A2M: variants seen among roughly 807,000 people sequenced by gnomAD.
The protein encoded by A2M is alpha-2-macroglobulin.
Under a neutral mutation model 183.9 loss-of-function variants are expected in A2M, and 128 were observed. That is an observed-to-expected ratio of 0.70 (90% confidence interval 0.60 to 0.81). The LOEUF (loss-of-function observed/expected upper bound fraction) is 0.81, where lower values mean the gene tolerates loss of function less well. A2M is among the 30% of genes least tolerant of loss of function. The probability of loss-of-function intolerance (pLI) is 0.00; values close to 1 mark genes in which losing one functional copy is unlikely to be tolerated. For missense variants in A2M, 1,495 were observed against 1,787.6 expected, an observed-to-expected ratio of 0.84 and a Z score of 2.95; for synonymous variants, 592 against 670.8, an observed-to-expected ratio of 0.88 and a Z score of 1.81.
intron 28 of A2M, among the ~76,000 whole-genome samples, chr12:9,075,608 C>CA (rs1404081117): frequency 1.3e-5 from 2 of 152,074 alleles, no homozygotes; most frequent in Non-Finnish European, 2.9e-5. Context: ...AGCAGACAAA[C>CA]AAAAAACTAA....
intron 29 of A2M, among the ~76,000 whole-genome samples, chr12:9,074,002 C>T (rs1206861567): frequency 2.7e-5 from 4 of 150,322 alleles, no homozygotes; most frequent in African/African-American, 4.9e-5. Context: ...GCACTAGAAT[C>T]GCTTGAACCT....
Position 9,110,847 on chromosome 12 carries a change from TA to T in A2M, c.484-514del, listed in dbSNP as rs1318595573. 5.3e-5 allele frequency among the ~76,000 whole-genome samples: 8 copies of T among 152,274 alleles called. 1 individual carries two copies. In the South Asian group the frequency reaches 1.7e-3, roughly 32 times the overall value. ...ATTTTAAGCAATTAATAAATAATGTTAAGAACTTACTAGGCCTTCAGCAACA... is the reference window on the plus strand; with the variant it reads ...ATTTTAAGCAATTAATAAATAATGTTAGAACTTACTAGGCCTTCAGCAACA... On this transcript the variant is annotated intron_variant, in intron 4 of 35. Transcript: ENST00000318602.
chr12:9,091,154 T>A (rs1487852779), intron 19 of A2M, 47 bp downstream of exon 19: 2 of 1,585,040 alleles, frequency 1.3e-6, no homozygotes, highest in African/African-American at 1.3e-5. Context: ...CAACTTTTAA[T>A]TTACTTGATG....
chr12:9,112,127 C>T, intron 4 of A2M, 32 bp downstream of exon 4: 1 of 1,609,952 alleles, frequency 6.2e-7, no homozygotes, highest in Non-Finnish European at 8.5e-7. Context: ...TTTATACAGA[C>T]AATCATTTTA....
chr12:9,096,225 T>G (rs1949377367), intron 15 of A2M, among the ~76,000 whole-genome samples: 1 of 152,152 alleles, frequency 6.6e-6, no homozygotes, highest in African/African-American at 2.4e-5. Flanking sequence ...AACCAAACAC[T>G]CCATCTAAGT....
At chr12:9,108,810 G>A (rs921528963) in intron 7 of A2M, among the ~76,000 whole-genome samples, 2 of 152,320 alleles carry the variant, frequency 1.3e-5, no homozygotes, top group Non-Finnish European at 2.9e-5. Context: ...ATGTAGACCC[G>A]CCTTAGGTGG....
intron 20 of A2M, 23 bp from the exon 21 acceptor site, chr12:9,090,046 A>G: frequency 6.3e-7 from 1 of 1,579,148 alleles, no homozygotes; most frequent in Non-Finnish European, 8.7e-7. Context: ...GCCAGTAGAA[A>G]TGAATAGCAT....
intron 7 of A2M, among the ~76,000 whole-genome samples, chr12:9,108,270 C>T (rs1436210168): frequency 3.3e-5 from 5 of 152,100 alleles, no homozygotes; most frequent in African/African-American, 9.7e-5. Context: ...GGACTACAGG[C>T]GCTGGCCACC....
At chr12:9,072,324 T>C (rs754584295) in intron 31 of A2M, 35 bp downstream of exon 31, 2 of 1,607,588 alleles carry the variant, frequency 1.2e-6, no homozygotes, top group Non-Finnish European at 1.7e-6. Context: ...TGGTGGTTAT[T>C]CTTAGGATTA....
intron 29 of A2M, 27 bp from the exon 30 acceptor site, chr12:9,072,898 C>A (rs1301481174): frequency 5.7e-6 from 9 of 1,591,138 alleles, no homozygotes; most frequent in Middle Eastern, 1.8e-4. Flanking sequence ...AGTGAGAGAA[C>A]CCATTGGGCA....
At chr12:9,078,016 T>C (rs941899931) in intron 25 of A2M, among the ~76,000 whole-genome samples, 159 bp from the exon 26 acceptor site, 2 of 152,240 alleles carry the variant, frequency 1.3e-5, no homozygotes, top group African/African-American at 4.8e-5. Flanking sequence ...CTGATTAATC[T>C]GCTAGATGTA....
At position 9,102,605 on chromosome 12, in the gene A2M, A is replaced by G. The variant is rs984869189; in HGVS notation, c.1267-931T>C. On this transcript the variant is annotated intron_variant, in intron 11 of 35. Coordinates refer to ENST00000318602, the MANE Select transcript of A2M (RefSeq NM_000014.6). ...TTATATTTCCAACTTTTCTTCCTGT[A>G]GAAGTTATTCCTTAGCTCCTTTCAG... Among the ~76,000 whole-genome samples the G allele has an allele frequency of 3.5e-4, 53 of 152,272 alleles. 1 individual carries two copies. Among genetic ancestry groups the G allele is most frequent in the African/African-American group, 1.2e-3 (51 of 41,554 alleles).
chr12:9,104,156 A>G, intron 11 of A2M, 83 bp downstream of exon 11: 2 of 1,390,214 alleles, frequency 1.4e-6, no homozygotes, highest in Non-Finnish European at 2.0e-6. Flanking sequence ...AACTAGACAC[A>G]GTTTGGAAAT....
At chr12:9,088,484 T>C (rs1038916697) in intron 22 of A2M, among the ~76,000 whole-genome samples, 1 of 152,086 alleles carries the variant, frequency 6.6e-6, no homozygotes, top group African/African-American at 2.4e-5. Context: ...GGAAGTTATG[T>C]TTTTAGGGTA....
At chr12:9,075,436 T>C (rs1283482657) in intron 28 of A2M, among the ~76,000 whole-genome samples, 1 of 152,248 alleles carries the variant, frequency 6.6e-6, no homozygotes, top group Middle Eastern at 3.4e-3. Context: ...TTTTTTTTAA[T>C]AGCAAAACAT....
Position 9,104,345 on chromosome 12 carries a change from C to G in A2M, c.1160G>C (p.Arg387Thr), listed in dbSNP as rs753406487. 3.1e-6 allele frequency: 5 copies of G among 1,607,912 alleles called. No homozygotes were observed. The highest frequency in any genetic ancestry group is 4.2e-6 in the Non-Finnish European group (5 of 1,176,724). The change falls in exon 11 of 36, where the codon AGA becomes ACA. Residue 387 changes from arginine (R) to threonine (T), a missense_variant. Arg to Thr is a moderately conservative substitution (Grantham distance 71). Transcript: ENST00000318602. ...GGAGTAATAGTTTGCTTCATTTCCT[C>G]TGATGAATATGACTTTATTTGGTAT... Reference protein sequence around the residue: ...VPIPNKVIFIRGNEANYYSNA... With the variant: ...VPIPNKVIFITGNEANYYSNA...
Position 9,079,683 on chromosome 12 carries a change from A to G in A2M, c.2987T>C (p.Leu996Pro). 6.2e-7 allele frequency: 1 copy of G among 1,613,776 alleles called. No homozygotes were observed. The highest frequency in any genetic ancestry group is 8.5e-7 in the Non-Finnish European group (1 of 1,179,772). Reference sequence around the variant, plus strand: ...GGCCTTGGACTTGATCTCTGGAGTAAGCTGCTGTGTTTCATTTAGATAATC... The same window carrying G: ...GGCCTTGGACTTGATCTCTGGAGTAGGCTGCTGTGTTTCATTTAGATAATC... The part of the protein sequence containing the change: ...VLDYLNETQQ[L>P]TPEIKSKAIG... Residue 996 changes from leucine (L) to proline (P), a missense_variant, in exon 24 of 36, where the codon CTT (leucine) becomes CCT (proline). Physicochemically the swap from Leu to Pro is moderately conservative, Grantham distance 98 (BLOSUM62 -3). Coordinates refer to ENST00000318602, the MANE Select transcript of A2M (RefSeq NM_000014.6).
At chr12:9,098,143 G>A (rs1949441794) in intron 15 of A2M, among the ~76,000 whole-genome samples, 1 of 152,130 alleles carries the variant, frequency 6.6e-6, no homozygotes. Context: ...GGCTTCCCCG[G>A]TTGCTCAGTT....
At chr12:9,099,836 A>C (rs963593790) in intron 13 of A2M, among the ~76,000 whole-genome samples, 2 of 152,218 alleles carry the variant, frequency 1.3e-5, no homozygotes, top group African/African-American at 4.8e-5. Flanking sequence ...TGAAGTTATG[A>C]GATGTAAGAG....
Sources: allele counts gnomAD v4.1 joint callset (sites outside exome capture counted in the v4.1 genomes callset), GRCh38; gene constraint gnomAD v4.1.1; transcripts MANE v1.5; gene names NCBI Gene and HGNC (gene_info 2026-07-23, HGNC 2026-07-21).